Variants in ARHGEF9 observed in about 807,000 individuals in gnomAD.
ARHGEF9 encodes rho guanine nucleotide exchange factor 9.
ARHGEF9 carries 2 observed loss-of-function variants against 41.3 expected under a neutral mutation model. That is an observed-to-expected ratio of 0.05 (90% CI 0.02 to 0.15). The LOEUF (loss-of-function observed/expected upper bound fraction) is 0.15. Ranked by LOEUF, ARHGEF9 falls within the 10% of genes least tolerant of loss-of-function variation. The pLI is 1.00. For synonymous variants in ARHGEF9, 160 were observed against 154.4 expected (o/e 1.04, Z -0.27); for missense variants, 225 against 424.7 (o/e 0.53, Z 4.13).
intron 1 of ARHGEF9, among the ~76,000 whole-genome samples, chrX:63,736,022 C>T (rs1200095939): frequency 8.9e-6 from 1 of 112,030 alleles, no homozygotes; most frequent in Non-Finnish European, 1.9e-5. Flanking sequence ...CTAAAAAAGT[C>T]TAGCCCAGTC....
chrX:63,697,316 GA>G lies in ARHGEF9; in HGVS notation c.403-13del. On this transcript the variant is annotated splice_polypyrimidine_tract_variant and intron_variant, in intron 3 of 9. Transcript: ENST00000671741. The stretch of plus-strand genomic sequence containing the variant: ...TGCTTCAGATAGCCCTGTAGACAAA[GA>G]AAAAGCCTAGGCTGAGGAAGTCCCT... 8.3e-7 allele frequency: 1 copy of G among 1,209,065 alleles called. No homozygotes were observed. Among genetic ancestry groups the G allele is most frequent in the Non-Finnish European group, 1.1e-6 (1 of 893,531 alleles).
intron 1 of ARHGEF9, among the ~76,000 whole-genome samples, chrX:63,736,090 G>A (rs782346584): frequency 3.2e-4 from 36 of 111,804 alleles, no homozygotes; most frequent in Non-Finnish European, 6.8e-4. Flanking sequence ...GGCCCCAAGG[G>A]ACTCAAACTG....
intron 1 of ARHGEF9, among the ~76,000 whole-genome samples, chrX:63,768,328 TGAG>T (rs2056147329): frequency 8.9e-6 from 1 of 112,290 alleles, no homozygotes; most frequent in South Asian, 3.7e-4. Context: ...TTTTTATGGC[TGAG>T]TAGTATTCCA....
rs187416735 is a variant in ARHGEF9 at position 63,645,398 on chromosome X, G to T, written c.1322-1350C>A. Reference sequence around the variant, plus strand: ...CTCCATTCCCCCAACCCCACAACAGGCCCCAGTGTGTGATGTTCCCCTTCC... The same window carrying T: ...CTCCATTCCCCCAACCCCACAACAGTCCCCAGTGTGTGATGTTCCCCTTCC... On this transcript the variant is annotated intron_variant, in intron 8 of 9. Transcript: ENST00000671741. Among the ~76,000 whole-genome samples, 3 of 110,242 alleles carry T rather than the reference G, an allele frequency of 2.7e-5. No homozygotes were observed. In the East Asian group the frequency reaches 8.7e-4, roughly 32 times the overall value.
At chrX:63,694,532 C>A in intron 4 of ARHGEF9, among the ~76,000 whole-genome samples, 1 of 111,869 alleles carries the variant, frequency 8.9e-6, no homozygotes. Flanking sequence ...AAAGGATAAA[C>A]GAAAGATATA....
intron 8 of ARHGEF9, 23 bp from the exon 9 acceptor site, chrX:63,644,071 T>A (rs781978470): frequency 1.7e-6 from 2 of 1,161,868 alleles, no homozygotes; most frequent in South Asian, 3.6e-5. Context: ...AATATATGAT[T>A]TTTTAAATGA....
chrX:63,746,873 G>A (rs1200636545), intron 1 of ARHGEF9, among the ~76,000 whole-genome samples: 14 of 111,459 alleles, frequency 1.3e-4, no homozygotes. Flanking sequence ...TCAATTCACT[G>A]TACCACTTCC....
chrX:63,772,721 C>T (rs1338011995), intron 1 of ARHGEF9, among the ~76,000 whole-genome samples: 1 of 111,104 alleles, frequency 9.0e-6, no homozygotes, highest in East Asian at 2.8e-4. Context: ...GCATACTTTC[C>T]TAGGGCTTAC....
chrX:63,693,699 TA>T (rs1556384307), intron 4 of ARHGEF9, among the ~76,000 whole-genome samples: 1 of 95,554 alleles, frequency 1.0e-5, no homozygotes, highest in Non-Finnish European at 2.1e-5. Context: ...AACTAAACAA[TA>T]AAAAAACAAA....
chrX:63,734,307 A>G (rs2054485937), intron 1 of ARHGEF9, among the ~76,000 whole-genome samples: 1 of 112,307 alleles, frequency 8.9e-6, no homozygotes, highest in Non-Finnish European at 1.9e-5. Context: ...CCTATATACT[A>G]CAACAGCTCC....
At chrX:63,766,905 C>T (rs1453369445) in intron 1 of ARHGEF9, 10 of 401,597 alleles carry the variant, frequency 2.5e-5, no homozygotes, top group Middle Eastern at 4.8e-4. Flanking sequence ...CCAGGAAAAC[C>T]CACCAAACTG....
intron 7 of ARHGEF9, among the ~76,000 whole-genome samples, chrX:63,664,860 TAC>T (rs1193917440): frequency 8.1e-5 from 9 of 111,474 alleles, no homozygotes; most frequent in Non-Finnish European, 1.7e-4. Flanking sequence ...GGCACACACA[TAC>T]ACACACAGAG....
chrX:63,772,927 C>CT (rs1467142049), intron 1 of ARHGEF9, among the ~76,000 whole-genome samples: 2 of 111,444 alleles, frequency 1.8e-5, no homozygotes, highest in Non-Finnish European at 1.9e-5. Context: ...CTGTCTCTTC[C>CT]TTTTTTTAAT....
chrX:63,666,914 G>C (rs781806907), intron 6 of ARHGEF9, among the ~76,000 whole-genome samples: 1 of 111,624 alleles, frequency 9.0e-6, no homozygotes, highest in Admixed American at 9.5e-5. Context: ...ACTCTGATAG[G>C]TCAGAAGTAT....
At chrX:63,683,245 T>C (rs1556371574) in intron 4 of ARHGEF9, among the ~76,000 whole-genome samples, 2 of 111,675 alleles carry the variant, frequency 1.8e-5, no homozygotes, top group African/African-American at 6.5e-5. Context: ...ATCATATTTA[T>C]GATACCATCA....
chrX:63,663,355 G>A lies in ARHGEF9; in HGVS notation c.1077+2531C>T, dbSNP rs782671663. ...TTCATGAAACTCTTTTGTCACCCCT[G>A]TTAAATATTATATCATATGTAAAAT... On this transcript the variant is annotated intron_variant, in intron 7 of 9. Coordinates refer to ENST00000671741, the MANE Select transcript of ARHGEF9 (RefSeq NM_001353921.2). Among the ~76,000 whole-genome samples the A allele has an allele frequency of 1.1e-3, 124 of 111,004 alleles. 1 individual carries two copies. Among genetic ancestry groups the A allele is most frequent in the African/African-American group, 4.0e-3 (122 of 30,585 alleles).
At chrX:63,746,818 T>C (rs1394146946) in intron 1 of ARHGEF9, among the ~76,000 whole-genome samples, 2 of 111,823 alleles carry the variant, frequency 1.8e-5, no homozygotes, top group Non-Finnish European at 3.8e-5. Flanking sequence ...ATCCATGACA[T>C]ATCTCTTTAA....
rs797045261 is a variant in ARHGEF9, at chrX:63,706,394, C to A, written c.266G>T (p.Gly89Val). 1.7e-6 allele frequency: 2 copies of A among 1,207,175 alleles called. No individual in the cohort carries two copies. The highest frequency in any genetic ancestry group is 2.2e-6 in the Non-Finnish European group (2 of 893,480). Reference sequence around the variant, plus strand: ...GCAGTCTGAATTGGGGTCCAGGTGTCCGTTCTGCACATCGCTGGGCCCCTC... The same window carrying A: ...GCAGTCTGAATTGGGGTCCAGGTGTACGTTCTGCACATCGCTGGGCCCCTC... ...VEEGPSDVQN[G>V]HLDPNSDCLC... The change falls in exon 3 of 10, where the codon GGA becomes GTA. Residue 89 changes from glycine (G) to valine (V), a missense_variant. Physicochemically the swap from Gly to Val is moderately radical, Grantham distance 109. This residue lies in a region of ARHGEF9 where 114 missense variants were observed against 197.9 expected (regional missense o/e 0.58). Coordinates refer to ENST00000671741, the MANE Select transcript of ARHGEF9 (RefSeq NM_001353921.2).
Position 63,666,033 on chromosome X carries a change from G to A in ARHGEF9, c.946-16C>T, listed in dbSNP as rs781867369. On this transcript the variant is annotated splice_polypyrimidine_tract_variant and intron_variant, in intron 6 of 9. Coordinates refer to ENST00000671741, the MANE Select transcript of ARHGEF9 (RefSeq NM_001353921.2). ...TGTCCTCGCCCTGGGAAGGACATGT[G>A]ATGATGAGAGGCAGCCAGGCAGAAG... The A allele has an allele frequency of 1.0e-4, 126 of 1,206,453 alleles. No individual in the cohort carries two copies. Among genetic ancestry groups the A allele is most frequent in the Non-Finnish European group, 1.3e-4 (120 of 894,551 alleles).
Sources: gnomAD v4.1 joint callset for allele counts (sites outside exome capture counted in the v4.1 genomes callset) on GRCh38, gnomAD v4.1.1 for gene constraint, gnomAD v4.1.1 regional missense constraint, MANE v1.5 for transcripts, NCBI Gene and HGNC (gene_info 2026-07-23, HGNC 2026-07-21) for gene names.